The following FHIT variants were observed in gnomAD, a reference collection of about 807,000 sequenced individuals.
The protein encoded by FHIT is bis(5'-adenosyl)-triphosphatase.
FHIT carries 19 observed loss-of-function variants against 17.9 expected under a neutral mutation model. The ratio of observed to expected loss-of-function variants is 1.06; its 90% CI spans 0.74 to 1.56. FHIT has a LOEUF of 1.56. FHIT is among the 40% of genes most tolerant of loss of function. The pLI is 0.00. For missense variants in FHIT, 248 were observed against 189.2 expected (o/e 1.31, Z -1.82); for synonymous variants, 81 against 69.7 (o/e 1.16, Z -0.81).
intron 5 of FHIT, among the ~76,000 whole-genome samples, chr3:60,414,940 G>C (rs931308889): frequency 1.3e-5 from 2 of 152,036 alleles, no homozygotes; most frequent in South Asian, 2.1e-4. Flanking sequence ...TGATAGTTTC[G>C]TAGCTCTCAA....
intron 5 of FHIT, among the ~76,000 whole-genome samples, chr3:60,190,943 A>T (rs1702376495): frequency 6.6e-6 from 1 of 150,980 alleles, no homozygotes; most frequent in East Asian, 2.0e-4. Context: ...ACTCCATCTC[A>T]AAAAAAAACT....
chr3:60,025,972 A>G (rs1700726201), intron 5 of FHIT, among the ~76,000 whole-genome samples: 1 of 152,204 alleles, frequency 6.6e-6, no homozygotes, highest in African/African-American at 2.4e-5. Context: ...AGTGATTTGT[A>G]TGCAAATATA....
rs537501466 is a variant in FHIT at position 60,935,693 on chromosome 3, C to T, written c.-111+106354G>A. Among the ~76,000 whole-genome samples, 5 of 152,244 alleles carry T rather than the reference C, an allele frequency of 3.3e-5. 1 individual carries two copies. The South Asian group carries it at 1.0e-3, about 32-fold the overall frequency. On this transcript the variant is annotated intron_variant, in intron 3 of 9. Coordinates refer to ENST00000492590, the MANE Select transcript of FHIT (RefSeq NM_002012.4). ...CTAAGAAACTGTGACCCTATCATTC[C>T]AAACAAAATATTTTCTCAGATAAGA...
At chr3:60,097,140 T>C (rs769392038) in intron 5 of FHIT, among the ~76,000 whole-genome samples, 1 of 151,798 alleles carries the variant, frequency 6.6e-6, no homozygotes, top group East Asian at 1.9e-4. Context: ...AGGACACCCA[T>C]TGGCCAGCAC....
At chr3:60,362,082 A>G (rs574601923) in intron 5 of FHIT, among the ~76,000 whole-genome samples, 1 of 152,156 alleles carries the variant, frequency 6.6e-6, no homozygotes, top group South Asian at 2.1e-4. Context: ...TTTAAAAAAA[A>G]ATAATTTTAT....
chr3:60,058,585 A>C (rs1702179812), intron 5 of FHIT, among the ~76,000 whole-genome samples: 1 of 152,140 alleles, frequency 6.6e-6, no homozygotes, highest in Non-Finnish European at 1.5e-5. Context: ...ATCACACAAA[A>C]ATGTTCCCTG....
At chr3:60,335,291 T>C (rs1162281232) in intron 5 of FHIT, among the ~76,000 whole-genome samples, 1 of 152,184 alleles carries the variant, frequency 6.6e-6, no homozygotes, top group African/African-American at 2.4e-5. Context: ...AAAACTTGAA[T>C]TGCACCAAAA....
intron 3 of FHIT, among the ~76,000 whole-genome samples, chr3:60,837,653 T>C (rs1259364781): frequency 6.6e-6 from 1 of 152,152 alleles, no homozygotes; most frequent in Non-Finnish European, 1.5e-5. Flanking sequence ...ATTTTTTGTT[T>C]ATTTTCTGTT....
intron 3 of FHIT, among the ~76,000 whole-genome samples, chr3:60,925,944 C>A (rs1450832151): frequency 6.6e-6 from 1 of 152,062 alleles, no homozygotes; most frequent in Non-Finnish European, 1.5e-5. Flanking sequence ...CAACAAAGAT[C>A]AAAAGAGACA....
Position 60,186,046 on chromosome 3 carries a change from T to A in FHIT, c.104-171894A>T, listed in dbSNP as rs564526590. ...GTAAGGGTTCTTTCTATATTATGGA[T>A]ACAAGTCCTTTATCAGATTTGTATT... On this transcript the variant is annotated intron_variant, in intron 5 of 9. Transcript: ENST00000492590. 6.4e-4 allele frequency among the ~76,000 whole-genome samples: 97 copies of A among 152,344 alleles called. 1 individual carries two copies. Among genetic ancestry groups the A allele is most frequent in the African/African-American group, 2.2e-3 (93 of 41,590 alleles).
intron 7 of FHIT, among the ~76,000 whole-genome samples, chr3:59,951,183 C>A (rs574347326): frequency 6.6e-6 from 1 of 152,312 alleles, no homozygotes; most frequent in East Asian, 1.9e-4. Flanking sequence ...AGGTCACAAA[C>A]TTAACCCCGT....
At chr3:60,832,648 T>G (rs2106823166) in intron 3 of FHIT, among the ~76,000 whole-genome samples, 1 of 149,842 alleles carries the variant, frequency 6.7e-6, no homozygotes, top group East Asian at 2.0e-4. Flanking sequence ...GGCTAATCAC[T>G]CCCTTTGTGT....
At chr3:60,485,632 A>G (rs562397892) in intron 5 of FHIT, among the ~76,000 whole-genome samples, 6 of 150,972 alleles carry the variant, frequency 4.0e-5, no homozygotes, top group African/African-American at 1.2e-4. Context: ...GAGGGGAACA[A>G]CACACACCAA....
At chr3:60,077,748 G>A (rs1703095294) in intron 5 of FHIT, among the ~76,000 whole-genome samples, 1 of 134,258 alleles carries the variant, frequency 7.4e-6, no homozygotes, top group Non-Finnish European at 1.6e-5. Flanking sequence ...AGGGGGGGGG[G>A]AGGATACAAA....
chr3:60,164,086 AG>A (rs1331271398), intron 5 of FHIT, among the ~76,000 whole-genome samples: 1 of 152,172 alleles, frequency 6.6e-6, no homozygotes, highest in Non-Finnish European at 1.5e-5. Flanking sequence ...TCCCTAAAAA[AG>A]GTTTGGTGGG....
At chr3:60,451,964 C>G (rs1172994046) in intron 5 of FHIT, among the ~76,000 whole-genome samples, 1 of 152,144 alleles carries the variant, frequency 6.6e-6, no homozygotes, top group African/African-American at 2.4e-5. Context: ...AATCTCAAAT[C>G]CGAGCCACAA....
chr3:60,219,134 C>G (rs940182682), intron 5 of FHIT, among the ~76,000 whole-genome samples: 1 of 152,098 alleles, frequency 6.6e-6, no homozygotes, highest in Non-Finnish European at 1.5e-5. Flanking sequence ...ATTTTGTTCA[C>G]AAATTATCTA....
intron 3 of FHIT, among the ~76,000 whole-genome samples, chr3:60,943,764 T>C (rs1708515592): frequency 6.6e-6 from 1 of 152,170 alleles, no homozygotes; most frequent in African/African-American, 2.4e-5. Flanking sequence ...TCTCAATAAA[T>C]AATTTAGACA....
intron 3 of FHIT, among the ~76,000 whole-genome samples, chr3:60,834,236 A>G (rs1702440167): frequency 6.6e-6 from 1 of 152,182 alleles, no homozygotes; most frequent in Non-Finnish European, 1.5e-5. Context: ...CTCACCAGTA[A>G]CACAATTTCT....
Sources: gnomAD v4.1 joint callset for allele counts (sites outside exome capture counted in the v4.1 genomes callset) on GRCh38, gnomAD v4.1.1 for gene constraint, MANE v1.5 for transcripts, NCBI Gene and HGNC (gene_info 2026-07-23, HGNC 2026-07-21) for gene names.